Variants in THSD7B observed in about 807,000 individuals in gnomAD.
The protein encoded by THSD7B is thrombospondin type-1 domain-containing protein 7B.
In THSD7B, 138 loss-of-function variants were observed where a neutral mutation model predicts 213.6. That is an observed-to-expected ratio of 0.65 (90% CI 0.56 to 0.74). THSD7B has a LOEUF of 0.74. Ranked by LOEUF, THSD7B falls within the 30% of genes least tolerant of loss-of-function variation. The pLI, the probability that THSD7B is intolerant of heterozygous loss-of-function variation, is 0.00. For synonymous variants in THSD7B, 742 were observed against 687.0 expected, an observed-to-expected ratio of 1.08 and a Z score of -1.25; for missense variants, 1,931 against 1,991.5, an observed-to-expected ratio of 0.97 and a Z score of 0.58.
chr2:136,791,623 T>C (rs1306385276), intron 1 of THSD7B, among the ~76,000 whole-genome samples: 1 of 148,720 alleles, frequency 6.7e-6, no homozygotes, highest in Non-Finnish European at 1.5e-5. Context: ...ATTCTGGACA[T>C]TTAATATAAA....
At chr2:136,829,865 C>T (rs7583459) in intron 1 of THSD7B, among the ~76,000 whole-genome samples, 7,778 of 152,240 alleles carry the variant, frequency 0.051, 350 homozygotes, top group African/African-American at 0.12. Context: ...CTTTAATCTT[C>T]ATTTATAGAA....
At chr2:136,968,882 A>G (rs1392675082) in intron 2 of THSD7B, among the ~76,000 whole-genome samples, 3 of 152,148 alleles carry the variant, frequency 2.0e-5, no homozygotes, top group Non-Finnish European at 4.4e-5. Flanking sequence ...ACACAACTTG[A>G]ATAGTTTGCA....
At chr2:137,113,096 C>T (rs1390519247) in intron 4 of THSD7B, among the ~76,000 whole-genome samples, 3 of 152,116 alleles carry the variant, frequency 2.0e-5, no homozygotes, top group African/African-American at 7.2e-5. Flanking sequence ...TATCTGACCC[C>T]CTTGTTCAGG....
chr2:137,443,405 C>T (rs955037111), intron 14 of THSD7B, among the ~76,000 whole-genome samples: 1 of 152,018 alleles, frequency 6.6e-6, no homozygotes, highest in Non-Finnish European at 1.5e-5. Flanking sequence ...AAATTAAAAC[C>T]ATAATATATT....
intron 15 of THSD7B, among the ~76,000 whole-genome samples, chr2:137,508,541 T>C (rs890306837): frequency 4.0e-5 from 4 of 100,754 alleles, no homozygotes; most frequent in South Asian, 3.1e-4. Context: ...CATGCCCGGC[T>C]AATTTTTTTT....
intron 4 of THSD7B, among the ~76,000 whole-genome samples, chr2:137,108,541 T>C (rs888590924): frequency 2.0e-5 from 3 of 152,168 alleles, no homozygotes; most frequent in Non-Finnish European, 2.9e-5. Flanking sequence ...GCCAGCCACT[T>C]GAGTTGTTTA....
Position 137,676,662 on chromosome 2 carries a change from A to G in THSD7B, c.*57A>G. The G allele has an allele frequency of 6.9e-7, 1 of 1,452,490 alleles. No homozygotes were observed. Among genetic ancestry groups the G allele is most frequent in the South Asian group, 1.4e-5 (1 of 73,560 alleles). 90.0% of individuals were successfully genotyped at this position (1,452,490 alleles called of 1,614,324 possible). ...CTGCCTTAACCGCTTTCTCTTTTGTAGCTCTCAGACTTCTCAGTTTTTTGA... is the reference window on the plus strand; with the variant it reads ...CTGCCTTAACCGCTTTCTCTTTTGTGGCTCTCAGACTTCTCAGTTTTTTGA... On this transcript the variant is annotated 3_prime_UTR_variant, in exon 28 of 28. Transcript: ENST00000409968.
At chr2:137,453,982 A>G (rs1467632724) in intron 15 of THSD7B, among the ~76,000 whole-genome samples, 1 of 152,160 alleles carries the variant, frequency 6.6e-6, no homozygotes, top group Admixed American at 6.5e-5. Context: ...TTGTGTATCT[A>G]TATCACATTT....
rs1371130004 is a variant in THSD7B, at chr2:137,451,039, CA to C, written c.3138+18del. 6 of 1,537,526 alleles carry C rather than the reference CA, an allele frequency of 3.9e-6. No individual in the cohort carries two copies. Among genetic ancestry groups the C allele is most frequent in the Non-Finnish European group, 5.2e-6 (6 of 1,144,588 alleles). Reference sequence around the variant, plus strand: ...CAAGAATCAGGTAAAGTGCATGAAGCAACAAATAAAAAGCTAAAAAAGCTAT... The same window carrying C: ...CAAGAATCAGGTAAAGTGCATGAAGCACAAATAAAAAGCTAAAAAAGCTAT... On this transcript the variant is annotated intron_variant, in intron 15 of 27. Coordinates refer to ENST00000409968, the MANE Select transcript of THSD7B (RefSeq NM_001316349.2).
chr2:136,943,944 C>T lies in THSD7B; in HGVS notation c.139+61627C>T, dbSNP rs533464761. Among the ~76,000 whole-genome samples the T allele has an allele frequency of 5.2e-4, 79 of 152,030 alleles. No individual in the cohort carries two copies. In the East Asian group the frequency reaches 0.013, roughly 25 times the overall value. The stretch of plus-strand genomic sequence containing the variant: ...GCTAGCTTTTGAATTTGTTTGCTCT[C>T]GCTTCTCTAGTTCTTTTAATTGTGA... On this transcript the variant is annotated intron_variant, in intron 2 of 27. Coordinates refer to ENST00000409968, the MANE Select transcript of THSD7B (RefSeq NM_001316349.2).
chr2:137,163,980 A>G (rs1376212478), intron 6 of THSD7B, among the ~76,000 whole-genome samples: 1 of 152,184 alleles, frequency 6.6e-6, no homozygotes, highest in Non-Finnish European at 1.5e-5. Flanking sequence ...TTTGGATCAA[A>G]GTACAAGCTC....
intron 13 of THSD7B, among the ~76,000 whole-genome samples, chr2:137,406,057 T>G (rs2105005621): frequency 6.6e-6 from 1 of 152,344 alleles, no homozygotes; most frequent in Non-Finnish European, 1.5e-5. Flanking sequence ...TTTTATAATC[T>G]TTGTAGTCAT....
intron 12 of THSD7B, among the ~76,000 whole-genome samples, chr2:137,290,873 C>T (rs1450651318): frequency 6.6e-6 from 1 of 152,130 alleles, no homozygotes; most frequent in South Asian, 2.1e-4. Context: ...TTCCCTTTTG[C>T]TAGACCACTG....
chr2:137,222,585 G>A (rs1334491330), intron 7 of THSD7B, among the ~76,000 whole-genome samples: 1 of 151,998 alleles, frequency 6.6e-6, no homozygotes, highest in Admixed American at 6.6e-5. Flanking sequence ...GTATACCTTC[G>A]TGGGCAAGAA....
chr2:137,206,109 G>A (rs561338713), intron 7 of THSD7B, among the ~76,000 whole-genome samples: 123 of 151,640 alleles, frequency 8.1e-4, no homozygotes, highest in African/African-American at 2.9e-3. Context: ...ATTGCGGAGG[G>A]TGATTTTGGA....
chr2:137,283,686 TATGCTGG>T (rs1431667082), intron 12 of THSD7B, among the ~76,000 whole-genome samples: 1 of 152,224 alleles, frequency 6.6e-6, no homozygotes, highest in African/African-American at 2.4e-5. Flanking sequence ...GTTCTGTTTA[TATGCTGG>T]ATTACATTTA....
chr2:136,807,708 G>A (rs1015786490), intron 1 of THSD7B, among the ~76,000 whole-genome samples: 36 of 151,900 alleles, frequency 2.4e-4, no homozygotes, highest in Admixed American at 1.2e-3. Flanking sequence ...GGGTTTCACC[G>A]TGTTAGCCAG....
At chr2:137,521,939 A>G (rs1197552595) in intron 15 of THSD7B, among the ~76,000 whole-genome samples, 1 of 152,184 alleles carries the variant, frequency 6.6e-6, no homozygotes, top group East Asian at 1.9e-4. Flanking sequence ...ATTTTTTAGC[A>G]CAAGATACCC....
At chr2:137,651,588 T>C (rs1330256539) in intron 21 of THSD7B, among the ~76,000 whole-genome samples, 1 of 152,106 alleles carries the variant, frequency 6.6e-6, no homozygotes, top group Non-Finnish European at 1.5e-5. Flanking sequence ...TATGATTTTG[T>C]CTTTCTACTA....
Sources: gnomAD v4.1 joint callset for allele counts (sites outside exome capture counted in the v4.1 genomes callset) on GRCh38, gnomAD v4.1.1 for gene constraint, MANE v1.5 for transcripts, NCBI Gene and HGNC (gene_info 2026-07-23, HGNC 2026-07-21) for gene names.